Variants in CNTNAP5 observed in about 807,000 individuals in gnomAD.
CNTNAP5 encodes the protein contactin associated protein family member 5.
Under a neutral mutation model 150.2 loss-of-function variants are expected in CNTNAP5, and 72 were observed. That is an observed-to-expected ratio of 0.48 (90% CI 0.40 to 0.58). The LOEUF (loss-of-function observed/expected upper bound fraction) is 0.58, where lower values mean the gene tolerates loss of function less well. Among genes scored for constraint, CNTNAP5 ranks in the 20% least tolerant of loss-of-function variants. The pLI, the probability that CNTNAP5 is intolerant of heterozygous loss-of-function variation, is 0.00. For synonymous variants in CNTNAP5, 672 were observed against 619.8 expected (o/e 1.08, Z -1.25); for missense variants, 1,636 against 1,626.2 (o/e 1.01, Z -0.10).
intron 1 of CNTNAP5, among the ~76,000 whole-genome samples, chr2:124,182,338 T>C (rs1316243283): frequency 2.0e-5 from 3 of 152,126 alleles, no homozygotes; most frequent in Non-Finnish European, 2.9e-5. Context: ...TTAAATATAA[T>C]GCTAGGTGAA....
chr2:124,451,029 TAA>T (rs1156744323), intron 6 of CNTNAP5, among the ~76,000 whole-genome samples: 16 of 20,054 alleles, frequency 8.0e-4, no homozygotes, highest in African/African-American at 2.8e-3. Flanking sequence ...CCATGTCTCT[TAA>T]AAAAAAAAAA....
intron 6 of CNTNAP5, among the ~76,000 whole-genome samples, chr2:124,453,532 A>T (rs1429477391): frequency 6.6e-6 from 1 of 152,216 alleles, no homozygotes; most frequent in Non-Finnish European, 1.5e-5. Flanking sequence ...AGCCCAAAGA[A>T]CACCTGGGAA....
chr2:124,422,323 A>T (rs771454503), intron 4 of CNTNAP5, among the ~76,000 whole-genome samples: 19 of 152,220 alleles, frequency 1.2e-4, no homozygotes, highest in Non-Finnish European at 2.5e-4. Context: ...TGGAAATATT[A>T]ACATATTTCT....
Position 124,817,776 on chromosome 2 carries a change from C to T in CNTNAP5, c.3217+19456C>T, listed in dbSNP as rs1682396611. Among the ~76,000 whole-genome samples, 5 of 152,314 alleles carry T rather than the reference C, an allele frequency of 3.3e-5. No homozygotes were observed. In the South Asian group the frequency reaches 1.0e-3, roughly 32 times the overall value. ...CAGCTCAAAACATATCTATACTCTA[C>T]TAATTTGGCAACACCTTCTGACTAG... On this transcript the variant is annotated intron_variant, in intron 19 of 23. Coordinates refer to ENST00000682447, the MANE Select transcript of CNTNAP5 (RefSeq NM_001367498.1).
intron 6 of CNTNAP5, among the ~76,000 whole-genome samples, chr2:124,450,140 T>C (rs1404775241): frequency 1.3e-5 from 2 of 152,066 alleles, no homozygotes; most frequent in African/African-American, 4.8e-5. Context: ...AAATGAGGCC[T>C]GGACATCACC....
intron 3 of CNTNAP5, among the ~76,000 whole-genome samples, chr2:124,356,684 A>G (rs997114896): frequency 2.6e-5 from 4 of 151,884 alleles, no homozygotes; most frequent in African/African-American, 9.7e-5. Flanking sequence ...TATGTGCCAC[A>G]TTTTCTTAAT....
intron 1 of CNTNAP5, among the ~76,000 whole-genome samples, chr2:124,196,870 A>T (rs1685599582): frequency 1.3e-5 from 2 of 152,174 alleles, no homozygotes; most frequent in South Asian, 4.1e-4. Flanking sequence ...CATTACATAG[A>T]TGCTGCTTAG....
intron 6 of CNTNAP5, among the ~76,000 whole-genome samples, chr2:124,454,482 A>G (rs1431684389): frequency 6.6e-6 from 1 of 152,184 alleles, no homozygotes; most frequent in African/African-American, 2.4e-5. Context: ...AGCACTAGAC[A>G]GGTCATCAAG....
chr2:124,898,049 T>C (rs987946098), intron 21 of CNTNAP5, among the ~76,000 whole-genome samples: 5 of 151,188 alleles, frequency 3.3e-5, no homozygotes, highest in South Asian at 2.1e-4. Context: ...GGATTTTGGG[T>C]CCTCCTTGTA....
chr2:124,792,882 A>G (rs1275955454), intron 18 of CNTNAP5, among the ~76,000 whole-genome samples: 1 of 152,176 alleles, frequency 6.6e-6, no homozygotes, highest in Non-Finnish European at 1.5e-5. Context: ...TAATTGCCAA[A>G]GAGTGTTGCG....
At chr2:124,415,452 C>T (rs536652740) in intron 3 of CNTNAP5, among the ~76,000 whole-genome samples, 2 of 152,282 alleles carry the variant, frequency 1.3e-5, no homozygotes, top group East Asian at 3.9e-4. Flanking sequence ...TGCAAGATAA[C>T]CTAAATCCAC....
intron 19 of CNTNAP5, among the ~76,000 whole-genome samples, chr2:124,834,003 C>T (rs957402483): frequency 6.6e-6 from 1 of 152,122 alleles, no homozygotes; most frequent in Non-Finnish European, 1.5e-5. Flanking sequence ...CTTATGTTTG[C>T]TACTTTGTCT....
chr2:124,303,366 A>G (rs930559446), intron 3 of CNTNAP5, among the ~76,000 whole-genome samples: 2 of 152,190 alleles, frequency 1.3e-5, no homozygotes, highest in African/African-American at 4.8e-5. Flanking sequence ...TCAAAAATAG[A>G]TGATTCCACC....
chr2:124,658,495 CAA>C (rs370216098), intron 13 of CNTNAP5, among the ~76,000 whole-genome samples: 22 of 115,102 alleles, frequency 1.9e-4, no homozygotes, highest in Admixed American at 2.6e-4. Context: ...ACAAACAAAC[CAA>C]AAAAAAAAAA....
intron 1 of CNTNAP5, among the ~76,000 whole-genome samples, chr2:124,176,832 G>C (rs1573812951): frequency 7.8e-6 from 1 of 128,156 alleles, no homozygotes; most frequent in Non-Finnish European, 1.6e-5. Flanking sequence ...TAATGTCTTT[G>C]TTATTGCTGG....
chr2:124,756,554 A>G (rs1236246411), intron 14 of CNTNAP5, among the ~76,000 whole-genome samples: 1 of 152,240 alleles, frequency 6.6e-6, no homozygotes, highest in African/African-American at 2.4e-5. Flanking sequence ...AAAATGTGGT[A>G]CATATATACC....
chr2:124,815,923 T>C (rs1409598873), intron 19 of CNTNAP5, among the ~76,000 whole-genome samples: 1 of 152,122 alleles, frequency 6.6e-6, no homozygotes, highest in Non-Finnish European at 1.5e-5. Flanking sequence ...ATAAATGACG[T>C]TTTAAAGGTA....
rs191652005 is a variant in CNTNAP5, at chr2:124,195,200, C to T, written c.83-26505C>T. ...TGGGCACCACTGGGAGTGGTATGGC[C>T]GGGTGTGGCCAAGCTGGAGAGCCAG... On this transcript the variant is annotated intron_variant, in intron 1 of 23. Coordinates refer to ENST00000682447, the MANE Select transcript of CNTNAP5 (RefSeq NM_001367498.1). 6.6e-4 allele frequency among the ~76,000 whole-genome samples: 101 copies of T among 152,198 alleles called. 1 individual carries two copies. Among genetic ancestry groups the T allele is most frequent in the Admixed American group, 9.2e-4 (14 of 15,278 alleles).
chr2:124,559,932 A>T (rs1199255146), intron 10 of CNTNAP5, among the ~76,000 whole-genome samples: 1 of 152,052 alleles, frequency 6.6e-6, no homozygotes, highest in Non-Finnish European at 1.5e-5. Flanking sequence ...TTTCTTTCTC[A>T]TTCTGGGAAA....
Sources: allele counts gnomAD v4.1 joint callset (sites outside exome capture counted in the v4.1 genomes callset), GRCh38; gene constraint gnomAD v4.1.1; transcripts MANE v1.5; gene names NCBI Gene and HGNC (gene_info 2026-07-23, HGNC 2026-07-21).